The following TTC39C variants were observed in gnomAD, a reference collection of about 807,000 sequenced individuals.
TTC39C encodes tetratricopeptide repeat domain 39C.
A neutral mutation model predicts 76.3 loss-of-function variants in TTC39C; 33 were observed. The observed-to-expected ratio is 0.43, with a 90% CI of 0.33 to 0.58. The LOEUF (loss-of-function observed/expected upper bound fraction) is 0.58. Ranked by LOEUF, TTC39C falls within the 20% of genes least tolerant of loss-of-function variation. TTC39C has a pLI of 0.04. For synonymous variants in TTC39C, 254 were observed against 260.6 expected (o/e 0.97, Z 0.24); for missense variants, 595 against 701.4 (o/e 0.85, Z 1.71).
chr18:24,076,740 T>C (rs965864454), intron 4 of TTC39C: 1 of 152,096 alleles, frequency 6.6e-6, no homozygotes, highest in African/African-American at 2.4e-5. Context: ...GTCAAAAACG[T>C]TGGGTTCTGT....
chr18:24,116,141 C>G (rs1454288179), intron 7 of TTC39C, among the ~76,000 whole-genome samples: 1 of 152,192 alleles, frequency 6.6e-6, no homozygotes, highest in Non-Finnish European at 1.5e-5. Flanking sequence ...TGAGTTATTC[C>G]TTATTTATTC....
At chr18:24,106,681 C>T (rs1250198909) in intron 6 of TTC39C, among the ~76,000 whole-genome samples, 1 of 152,020 alleles carries the variant, frequency 6.6e-6, no homozygotes, top group Non-Finnish European at 1.5e-5. Flanking sequence ...TGATGGACAG[C>T]CATGGGTTGT....
chr18:24,053,794 GCTGA>G (rs1469445961), intron 1 of TTC39C, among the ~76,000 whole-genome samples: 7 of 152,168 alleles, frequency 4.6e-5, no homozygotes, highest in Non-Finnish European at 1.0e-4. Flanking sequence ...TTTATTTAGT[GCTGA>G]CTTTTACGTG....
Position 24,087,430 on chromosome 18 carries a change from C to T in TTC39C, c.984+4349C>T, listed in dbSNP as rs150634280. Among the ~76,000 whole-genome samples the T allele has an allele frequency of 3.2e-3, 491 of 152,274 alleles. 2 individuals are homozygous for T. The highest frequency in any genetic ancestry group is 0.011 in the African/African-American group (472 of 41,564). On this transcript the variant is annotated intron_variant, in intron 6 of 13. Coordinates refer to ENST00000317571, the MANE Select transcript of TTC39C (RefSeq NM_001135993.2). The stretch of plus-strand genomic sequence containing the variant: ...TTCTGTAAATACATACTTTCACACA[C>T]ATACCTTATATGGTGTGACTAGTAA...
At chr18:24,066,674 G>A (rs145389424) in intron 3 of TTC39C, among the ~76,000 whole-genome samples, 6 of 152,248 alleles carry the variant, frequency 3.9e-5, no homozygotes, top group Non-Finnish European at 8.8e-5. Flanking sequence ...TCTCACATAC[G>A]TCACTGACAA....
intron 4 of TTC39C, among the ~76,000 whole-genome samples, chr18:24,079,411 C>G (rs1285661598): frequency 1.3e-5 from 2 of 152,108 alleles, no homozygotes; most frequent in African/African-American, 4.8e-5. Flanking sequence ...TCTTATACTT[C>G]AAGTCGTCTT....
At chr18:24,081,000 A>G in intron 5 of TTC39C, 61 bp downstream of exon 5, 1 of 1,437,390 alleles carries the variant, frequency 7.0e-7, no homozygotes, top group South Asian at 1.4e-5. Flanking sequence ...AGTAAACGAC[A>G]ATCAAAGACT....
rs115606504 is a variant in TTC39C at position 24,046,810 on chromosome 18, G to A, written c.168-17330G>A. 5.8e-3 allele frequency among the ~76,000 whole-genome samples: 883 copies of A among 151,826 alleles called. 44 individuals carry two copies. The highest frequency in any genetic ancestry group is 0.02 in the African/African-American group (836 of 41,174). On this transcript the variant is annotated intron_variant, in intron 1 of 13. Transcript: ENST00000317571. The stretch of plus-strand genomic sequence containing the variant: ...CCAATTTTCATTCCCACCACTCACT[G>A]TAAATATTATATTGTATATTTGAAT...
intron 1 of TTC39C, among the ~76,000 whole-genome samples, chr18:24,036,545 T>G (rs190457353): frequency 3.3e-5 from 5 of 152,348 alleles, no homozygotes; most frequent in Non-Finnish European, 7.3e-5. Context: ...ACAACTGATT[T>G]TTATGTGTTG....
At chr18:24,114,904 T>C (rs2084871574) in intron 7 of TTC39C, 1 of 348,784 alleles carries the variant, frequency 2.9e-6, no homozygotes, top group South Asian at 3.0e-5. Flanking sequence ...TGACCAGAAA[T>C]ACCTTATTGG....
At chr18:24,122,570 A>C (rs1599347920) in intron 8 of TTC39C, among the ~76,000 whole-genome samples, 1 of 149,700 alleles carries the variant, frequency 6.7e-6, no homozygotes, top group East Asian at 2.0e-4. Flanking sequence ...TGGGGAGTGA[A>C]AAACCACATG....
intron 6 of TTC39C, among the ~76,000 whole-genome samples, chr18:24,092,123 A>AT (rs56108954): frequency 0.034 from 1,646 of 49,072 alleles, 4 homozygotes; most frequent in Middle Eastern, 0.067. Context: ...AAAAAAAAAA[A>AT]AATAATAATA....
intron 6 of TTC39C, chr18:24,113,227 T>C (rs1446039576): frequency 7.9e-6 from 2 of 251,992 alleles, no homozygotes; most frequent in Non-Finnish European, 1.5e-5. Context: ...CATGAACAGT[T>C]ATTGATCCAG....
At chr18:24,036,996 T>C (rs1044138145) in intron 1 of TTC39C, among the ~76,000 whole-genome samples, 2 of 152,194 alleles carry the variant, frequency 1.3e-5, no homozygotes, top group African/African-American at 4.8e-5. Context: ...TTATTGTTTT[T>C]CTTTCCAATT....
chr18:24,042,062 T>C (rs546170712), intron 1 of TTC39C, among the ~76,000 whole-genome samples: 68 of 152,336 alleles, frequency 4.5e-4, no homozygotes, highest in African/African-American at 1.6e-3. Context: ...GCAGTTTGTA[T>C]TTTTCACCCG....
chr18:24,040,465 A>T (rs987639294), intron 1 of TTC39C, among the ~76,000 whole-genome samples: 1 of 152,140 alleles, frequency 6.6e-6, no homozygotes, highest in Non-Finnish European at 1.5e-5. Flanking sequence ...CCATTTTGGA[A>T]TCTTTTCAAA....
At chr18:24,023,130 AGCCCAGGAGGCGGCT>A (rs1418483922) in intron 1 of TTC39C, among the ~76,000 whole-genome samples, 12 of 152,192 alleles carry the variant, frequency 7.9e-5, no homozygotes, top group African/African-American at 2.9e-4. Context: ...CAGCAAGTGC[AGCCCAGGAGGCGGCT>A]GCCCTGTAGG....
chr18:24,129,501 C>T (rs901708754), intron 11 of TTC39C, among the ~76,000 whole-genome samples: 20 of 152,024 alleles, frequency 1.3e-4, no homozygotes, highest in African/African-American at 2.9e-4. Context: ...TGGCCGGGCA[C>T]GGTGGCTCAC....
chr18:23,996,856 TC>T, intron 1 of TTC39C, among the ~76,000 whole-genome samples: 1 of 152,322 alleles, frequency 6.6e-6, no homozygotes, highest in East Asian at 1.9e-4. Flanking sequence ...ACGCCTGTAA[TC>T]CCAGCACTTT....
Sources: allele counts gnomAD v4.1 joint callset (sites outside exome capture counted in the v4.1 genomes callset), GRCh38; gene constraint gnomAD v4.1.1; transcripts MANE v1.5; gene names NCBI Gene and HGNC (gene_info 2026-07-23, HGNC 2026-07-21).